The following OPTN variants were observed in gnomAD, a reference collection of about 807,000 sequenced individuals.
OPTN encodes the protein optineurin.
Under a neutral mutation model 70.4 loss-of-function variants are expected in OPTN, and 54 were observed. The ratio of observed to expected loss-of-function variants is 0.77; its 90% CI spans 0.62 to 0.96. OPTN has a LOEUF of 0.96. Ranked by LOEUF, OPTN falls within the 40% of genes least tolerant of loss-of-function variation. The pLI is 0.00. For synonymous variants in OPTN, 256 were observed against 248.5 expected (o/e 1.03, Z -0.28); for missense variants, 624 against 673.2 (o/e 0.93, Z 0.81).
rs34617995 is a variant in OPTN at position 13,110,504 on chromosome 10, GT to G, written c.369+40del. ...GAGCAGACCGATCCATTGTGATGTT[GT>G]TTTTTTTTTTTCCCTTGACATTTGC... On this transcript the variant is annotated intron_variant, in intron 4 of 14. Transcript: ENST00000378747. 961,326 of 1,297,536 alleles carry G rather than the reference GT, an allele frequency of 0.74. 330,374 individuals carry two copies. The highest frequency in any genetic ancestry group is 0.77 in the Non-Finnish European group (708,659 of 925,434). The allele number at this position is 1,297,536 out of a possible 1,614,324, so 80.4% of individuals were successfully genotyped here. A position where few individuals can be genotyped will look rare whatever the true frequency, so the allele number is the denominator to read the frequency against.
chr10:13,132,136 C>G lies in OPTN; in HGVS notation c.1471C>G (p.Gln491Glu), dbSNP rs1000478013. Residue 491 changes from glutamine (Q) to glutamate (E), a missense_variant, in exon 13 of 15, where the codon CAA (glutamine) becomes GAA (glutamate). Coordinates refer to ENST00000378747, the MANE Select transcript of OPTN (RefSeq NM_001008212.2). ...AREKIHEEKEQLALQLAVLLK... is the reference protein window; with the variant it reads ...AREKIHEEKEELALQLAVLLK... ...AGAGAAAATTCATGAGGAAAAGGAG[C>G]AACTGGCATTGCAGCTGGCAGTTCT... The G allele has an allele frequency of 6.2e-7, 1 of 1,613,608 alleles. No homozygotes were observed. Among genetic ancestry groups the G allele is most frequent in the Middle Eastern group, 1.7e-4 (1 of 6,054 alleles).
At chr10:13,126,349 C>T (rs1203673948) in intron 11 of OPTN, among the ~76,000 whole-genome samples, 23 of 146,998 alleles carry the variant, frequency 1.6e-4, no homozygotes, top group South Asian at 4.3e-4. Context: ...GGCGCGATCT[C>T]GGCTCACTGC....
chr10:13,113,051 T>C (rs1050605881), intron 5 of OPTN, among the ~76,000 whole-genome samples: 4 of 152,136 alleles, frequency 2.6e-5, no homozygotes, highest in African/African-American at 9.7e-5. Flanking sequence ...AGACAGAGTC[T>C]TACTCTGTCT....
At position 13,136,842 on chromosome 10, in the gene OPTN, T is replaced by C. The variant is rs370370110; in HGVS notation, c.1710T>C (p.Ile570=). ...TGCCTGACATAGACACGTTACAGAT[T>C]CACGTGATGGATTGCATCATTTAAG... ...EVLPDIDTLQ[I]HVMDCII is the part of the protein sequence containing the mutation. Residue 570 remains isoleucine (I), a synonymous_variant, in exon 15 of 15, where the codon ATT becomes ATC. Coordinates refer to ENST00000378747, the MANE Select transcript of OPTN (RefSeq NM_001008212.2). 4.3e-6 allele frequency: 7 copies of C among 1,614,106 alleles called. No homozygotes were observed. The African/African-American group carries it at 6.7e-5, about 15-fold the overall frequency.
chr10:13,105,765 C>T (rs370979494), intron 1 of OPTN, among the ~76,000 whole-genome samples: 3 of 152,164 alleles, frequency 2.0e-5, no homozygotes, highest in East Asian at 1.9e-4. Flanking sequence ...AAAAATTAGC[C>T]GGGTGTGGTA....
intron 6 of OPTN, among the ~76,000 whole-genome samples, chr10:13,118,569 C>T (rs528520811): frequency 5.3e-5 from 8 of 152,322 alleles, no homozygotes; most frequent in South Asian, 2.1e-4. Context: ...CCTTCAGCCA[C>T]GGCTGCCTCT....
Position 13,107,556 on chromosome 10 carries a change from T to A in OPTN, c.-163-582T>A, listed in dbSNP as rs573482535. Among the ~76,000 whole-genome samples the A allele has an allele frequency of 8.6e-5, 13 of 151,272 alleles. No homozygotes were observed. The East Asian group carries it at 2.2e-3, about 26-fold the overall frequency. ...ACCATGCTTGGCTAATTTTTTGTAT[T>A]TTTTTTATTAGAGACAGGGTTTCAC... On this transcript the variant is annotated intron_variant, in intron 1 of 14. Transcript: ENST00000378747.
At chr10:13,114,784 AATTATATAATT>A (rs1564358675) in intron 5 of OPTN, among the ~76,000 whole-genome samples, 2 of 104,658 alleles carry the variant, frequency 1.9e-5, no homozygotes. Context: ...ATAATTATAT[AATTATATAATT>A]ATATATACAT....
intron 1 of OPTN, among the ~76,000 whole-genome samples, chr10:13,105,933 GA>G (rs1214678241): frequency 6.6e-6 from 1 of 151,578 alleles, no homozygotes; most frequent in South Asian, 2.1e-4. Context: ...GTTCATTGAG[GA>G]AAAAAATCTT....
rs187734249 is a variant in OPTN at position 13,109,269 on chromosome 10, C to G, written c.147C>G (p.Thr49=). 6.2e-7 allele frequency: 1 copy of G among 1,613,806 alleles called. No homozygotes were observed. Among genetic ancestry groups the G allele is most frequent in the Non-Finnish European group, 8.5e-7 (1 of 1,179,958 alleles). ...TGCAGCAGATGAAAGAGCTCCTGACCGAGAACCACCAGCTGAAAGGTGAGC... is the reference window on the plus strand; with the variant it reads ...TGCAGCAGATGAAAGAGCTCCTGACGGAGAACCACCAGCTGAAAGGTGAGC... The part of the protein sequence containing the change: ...ELLQQMKELL[T]ENHQLKEAMK... The change falls in exon 3 of 15, where the codon ACC becomes ACG. Residue 49 remains threonine (T), a synonymous_variant. Coordinates refer to ENST00000378747, the MANE Select transcript of OPTN (RefSeq NM_001008212.2).
chr10:13,104,796 T>G (rs1832828261), intron 1 of OPTN: 6 of 516,732 alleles, frequency 1.2e-5, no homozygotes, highest in Non-Finnish European at 2.2e-5. Flanking sequence ...TAGAACATGA[T>G]GCTATTCGAG....
intron 5 of OPTN, among the ~76,000 whole-genome samples, chr10:13,115,176 ATT>A (rs373026863): frequency 1.7e-5 from 1 of 57,334 alleles, no homozygotes; most frequent in Non-Finnish European, 3.3e-5. Flanking sequence ...ATATATCTAT[ATT>A]TTATATATAT....
At chr10:13,112,210 C>G (rs566472002) in intron 4 of OPTN, among the ~76,000 whole-genome samples, 6 of 148,428 alleles carry the variant, frequency 4.0e-5, no homozygotes, top group Admixed American at 1.3e-4. Flanking sequence ...TGGGCTCAGG[C>G]AGTCTTCCTG....
intron 1 of OPTN, among the ~76,000 whole-genome samples, chr10:13,103,390 T>C (rs1438954256): frequency 1.3e-5 from 2 of 152,200 alleles, no homozygotes; most frequent in Non-Finnish European, 2.9e-5. Flanking sequence ...GACTTGGCCA[T>C]ACCAGGGCAA....
intron 12 of OPTN, 26 bp downstream of exon 12, chr10:13,127,929 T>C: frequency 6.2e-7 from 1 of 1,613,522 alleles, no homozygotes; most frequent in South Asian, 1.1e-5. Flanking sequence ...AAACCCCAGC[T>C]GAGCGAGGCC....
chr10:13,126,188 T>G (rs1833456019), intron 11 of OPTN, 149 bp downstream of exon 11: 4 of 646,690 alleles, frequency 6.2e-6, no homozygotes, highest in Admixed American at 2.5e-5. Flanking sequence ...ATCTAGGGTT[T>G]GTAACTTCTG....
intron 11 of OPTN, 128 bp from the exon 12 acceptor site, chr10:13,127,617 A>C (rs764309567): frequency 2.3e-5 from 23 of 1,003,724 alleles, no homozygotes; most frequent in Non-Finnish European, 3.2e-5. Context: ...TCAGCCTCTC[A>C]ATTCTAGGCA....
At chr10:13,124,175 A>G in intron 9 of OPTN, 65 bp downstream of exon 9, 1 of 895,070 alleles carries the variant, frequency 1.1e-6, no homozygotes, top group South Asian at 1.5e-5. Flanking sequence ...ATACTACTAT[A>G]TAAAAACATA....
chr10:13,124,275 G>A (rs760825588), intron 9 of OPTN, among the ~76,000 whole-genome samples, 165 bp downstream of exon 9: 24 of 152,186 alleles, frequency 1.6e-4, no homozygotes, highest in Admixed American at 1.2e-3. Context: ...TAATGTGTGA[G>A]CATGAAATAC....
Sources: allele counts gnomAD v4.1 joint callset (sites outside exome capture counted in the v4.1 genomes callset), GRCh38; gene constraint gnomAD v4.1.1; transcripts MANE v1.5; gene names NCBI Gene and HGNC (gene_info 2026-07-23, HGNC 2026-07-21).